Variants in RPRD2 observed in about 807,000 individuals in gnomAD.
RPRD2 encodes regulation of nuclear pre-mRNA domain-containing protein 2.
RPRD2 carries 12 observed loss-of-function variants against 104.4 expected under a neutral mutation model. The observed-to-expected ratio is 0.11, with a 90% CI of 0.07 to 0.19. The LOEUF (loss-of-function observed/expected upper bound fraction) is 0.19, where lower values mean the gene tolerates loss of function less well. Among genes scored for constraint, RPRD2 ranks in the 10% least tolerant of loss-of-function variants. The pLI, the probability that RPRD2 is intolerant of heterozygous loss-of-function variation, is 1.00. For missense variants in RPRD2, 1,543 were observed against 1,790.1 expected (o/e 0.86, Z 2.49); for synonymous variants, 714 against 684.9 (o/e 1.04, Z -0.66).
chr1:150,395,006 AT>A (rs1224638449), intron 1 of RPRD2, among the ~76,000 whole-genome samples: 8 of 152,128 alleles, frequency 5.3e-5, no homozygotes, highest in Non-Finnish European at 1.2e-4. Context: ...TTTAAATTAA[AT>A]TTTTTTATTT....
Position 150,472,454 on chromosome 1 carries a change from A to G in RPRD2, c.3506A>G (p.Glu1169Gly). ...GGCTTTAAAACAGCACCATACAAGG[A>G]ACGGGCACCTCAATTTCAGGAGAGT... ...LTGFKTAPYK[E>G]RAPQFQESVG... The change falls in exon 11 of 11, where the codon GAA becomes GGA. Residue 1169 changes from glutamate to glycine, a missense_variant. This residue lies in a region of RPRD2 where 880 missense variants were observed against 885.6 expected (regional missense o/e 0.99). Transcript: ENST00000369068. The G allele has an allele frequency of 6.2e-7, 1 of 1,613,940 alleles. No homozygotes were observed. Among genetic ancestry groups the G allele is most frequent in the Non-Finnish European group, 8.5e-7 (1 of 1,179,874 alleles).
chr1:150,397,464 C>T (rs1662616639), intron 1 of RPRD2, among the ~76,000 whole-genome samples: 2 of 151,790 alleles, frequency 1.3e-5, no homozygotes, highest in Non-Finnish European at 2.9e-5. Context: ...TCTGTTACTC[C>T]CCAAATTCTT....
rs1666429807 is a variant in RPRD2 at position 150,441,911 on chromosome 1, A to G, written c.467A>G (p.Lys156Arg). 2 of 1,613,308 alleles carry G rather than the reference A, an allele frequency of 1.2e-6. No individual in the cohort carries two copies. The highest frequency in any genetic ancestry group is 3.3e-5 in the Admixed American group (2 of 59,898). ...STTFKTQKQL[K>R]ENLNKQPNKQ... ...ACTTTCAAAACTCAGAAGCAGCTGA[A>G]AGAAAATCTGAACAAACAACCGAAT... The change falls in exon 4 of 11, where the codon AAA (lysine) becomes AGA (arginine). Residue 156 changes from lysine (K) to arginine (R), a missense_variant. Coordinates refer to ENST00000369068, the MANE Select transcript of RPRD2 (RefSeq NM_015203.5).
chr1:150,462,493 T>A (rs183919222), intron 9 of RPRD2, among the ~76,000 whole-genome samples: 94 of 152,100 alleles, frequency 6.2e-4, no homozygotes, highest in African/African-American at 2.1e-3. Flanking sequence ...ATAAAAATTT[T>A]ATGAATAACC....
chr1:150,420,209 A>G (rs1213508077), intron 2 of RPRD2, among the ~76,000 whole-genome samples: 1 of 152,164 alleles, frequency 6.6e-6, no homozygotes, highest in African/African-American at 2.4e-5. Flanking sequence ...CTTGAATTTC[A>G]TGACCTATTT....
At chr1:150,372,036 G>A (rs587599928) in intron 1 of RPRD2, among the ~76,000 whole-genome samples, 1 of 151,922 alleles carries the variant, frequency 6.6e-6, no homozygotes, top group Non-Finnish European at 1.5e-5. Flanking sequence ...TGAAGCTATC[G>A]TCTAGGTAAA....
intron 1 of RPRD2, among the ~76,000 whole-genome samples, chr1:150,376,531 CTGTT>C (rs1293588200): frequency 6.8e-6 from 1 of 148,050 alleles, no homozygotes; most frequent in Non-Finnish European, 1.5e-5. Flanking sequence ...GAATCTTGCT[CTGTT>C]TGTTGCCCAG....
intron 7 of RPRD2, among the ~76,000 whole-genome samples, chr1:150,450,600 C>T (rs1351056906): frequency 1.4e-4 from 13 of 91,884 alleles, no homozygotes; most frequent in Admixed American, 3.1e-4. Flanking sequence ...AGCAAGACTC[C>T]GTCTCAAAAA....
chr1:150,373,297 A>G (rs1660456536), intron 1 of RPRD2, among the ~76,000 whole-genome samples: 1 of 152,168 alleles, frequency 6.6e-6, no homozygotes, highest in Admixed American at 6.6e-5. Flanking sequence ...TACAGGCGTG[A>G]GCCACCACGC....
chr1:150,441,114 G>A, intron 3 of RPRD2, 91 bp downstream of exon 3: 1 of 608,010 alleles, frequency 1.6e-6, no homozygotes, highest in Non-Finnish European at 2.8e-6. Context: ...GTATAATAGT[G>A]AAAAATTAAG....
chr1:150,405,452 G>T (rs1272070205), intron 1 of RPRD2, among the ~76,000 whole-genome samples: 2 of 151,756 alleles, frequency 1.3e-5, no homozygotes, highest in African/African-American at 2.4e-5. Flanking sequence ...ATATATGCAT[G>T]ATTTGTGCTA....
chr1:150,450,323 TTAG>T (rs1553896326), intron 7 of RPRD2, among the ~76,000 whole-genome samples: 12 of 152,058 alleles, frequency 7.9e-5, no homozygotes, highest in African/African-American at 2.4e-5. Flanking sequence ...ATTTATTTAT[TTAG>T]CCGGGTGCGG....
intron 1 of RPRD2, chr1:150,408,830 CTTTT>C (rs1449174111): frequency 6.6e-6 from 1 of 152,118 alleles, no homozygotes; most frequent in African/African-American, 2.4e-5. Context: ...GCTTTTTCTT[CTTTT>C]TGTTTTTCCT....
intron 1 of RPRD2, among the ~76,000 whole-genome samples, chr1:150,412,980 A>G (rs1352192727): frequency 2.0e-5 from 3 of 150,898 alleles, no homozygotes; most frequent in Non-Finnish European, 4.4e-5. Context: ...CTTAAAAAAA[A>G]AGGAAGGAAG....
At chr1:150,431,322 G>C (rs1665553256) in intron 2 of RPRD2, among the ~76,000 whole-genome samples, 1 of 151,952 alleles carries the variant, frequency 6.6e-6, no homozygotes, top group Admixed American at 6.6e-5. Flanking sequence ...TGGAAACAGA[G>C]ACTTAAACAG....
intron 1 of RPRD2, among the ~76,000 whole-genome samples, chr1:150,406,831 C>T (rs1310998868): frequency 6.6e-6 from 1 of 152,180 alleles, no homozygotes; most frequent in Middle Eastern, 3.2e-3. Flanking sequence ...TCTCCTGGCT[C>T]AACTTCCCGA....
intron 1 of RPRD2, among the ~76,000 whole-genome samples, chr1:150,398,184 T>C (rs905829299): frequency 1.5e-5 from 2 of 131,826 alleles, no homozygotes; most frequent in Admixed American, 1.6e-4. Context: ...TTTGTGTTTT[T>C]ATATTTATTT....
At chr1:150,397,120 C>T (rs911985951) in intron 1 of RPRD2, among the ~76,000 whole-genome samples, 6 of 152,054 alleles carry the variant, frequency 3.9e-5, no homozygotes, top group Non-Finnish European at 8.8e-5. Context: ...ATCACAGGCA[C>T]CTGCCACCAC....
At chr1:150,381,238 C>A (rs1661102844) in intron 1 of RPRD2, among the ~76,000 whole-genome samples, 1 of 148,186 alleles carries the variant, frequency 6.7e-6, no homozygotes. Flanking sequence ...GCCTGGGCAA[C>A]ATAGTGAGAC....
Sources: gnomAD v4.1 joint callset for allele counts (sites outside exome capture counted in the v4.1 genomes callset) on GRCh38, gnomAD v4.1.1 for gene constraint, gnomAD v4.1.1 regional missense constraint, MANE v1.5 for transcripts, NCBI Gene and HGNC (gene_info 2026-07-23, HGNC 2026-07-21) for gene names.